Variants in RILPL1 observed in about 807,000 individuals in gnomAD.
RILPL1 encodes Rab interacting lysosomal protein like 1.
RILPL1 carries 33 observed loss-of-function variants against 50.3 expected under a neutral mutation model. The ratio of observed to expected loss-of-function variants is 0.66; its 90% CI spans 0.50 to 0.88. The LOEUF (loss-of-function observed/expected upper bound fraction) is 0.88. Ranked by LOEUF, RILPL1 falls within the 40% of genes least tolerant of loss-of-function variation. The probability of loss-of-function intolerance (pLI) is 0.00; values close to 1 mark genes in which losing one functional copy is unlikely to be tolerated. For missense variants in RILPL1, 418 were observed against 542.5 expected, an observed-to-expected ratio of 0.77 and a Z score of 2.28; for synonymous variants, 205 against 228.6, an observed-to-expected ratio of 0.90 and a Z score of 0.93.
At chr12:123,493,787 T>C (rs1389230767) in intron 4 of RILPL1, among the ~76,000 whole-genome samples, 1 of 147,342 alleles carries the variant, frequency 6.8e-6, no homozygotes, top group African/African-American at 2.5e-5. Context: ...CCTGCCTCTT[T>C]TTTTTTTTTT....
intron 2 of RILPL1, among the ~76,000 whole-genome samples, chr12:123,505,379 A>C (rs1883677280): frequency 6.6e-6 from 1 of 152,180 alleles, no homozygotes; most frequent in South Asian, 2.1e-4. Flanking sequence ...GCTAAAGTGC[A>C]GTAGCATGAT....
chr12:123,499,970 C>T (rs1288708293), intron 2 of RILPL1, among the ~76,000 whole-genome samples: 1 of 150,594 alleles, frequency 6.6e-6, no homozygotes, highest in East Asian at 2.0e-4. Context: ...CTCGCTCTGT[C>T]GCCCAGGCTG....
intron 2 of RILPL1, among the ~76,000 whole-genome samples, chr12:123,520,588 A>G (rs1418714280): frequency 6.6e-6 from 1 of 152,112 alleles, no homozygotes; most frequent in African/African-American, 2.4e-5. Flanking sequence ...ACAAACAAAC[A>G]AAAAAGTCCT....
At chr12:123,511,940 T>TTGTGTG (rs143408241) in intron 2 of RILPL1, among the ~76,000 whole-genome samples, 1 of 48,878 alleles carries the variant, frequency 2.0e-5, no homozygotes, top group African/African-American at 6.6e-5. Flanking sequence ...TGTGTGAGGT[T>TTGTGTG]TGTGTGTGTG....
At chr12:123,507,956 A>G (rs1883858590) in intron 2 of RILPL1, among the ~76,000 whole-genome samples, 1 of 147,438 alleles carries the variant, frequency 6.8e-6, no homozygotes, top group African/African-American at 2.5e-5. Flanking sequence ...AAAAAAAGAA[A>G]AAAAAAAAAA....
intron 6 of RILPL1, among the ~76,000 whole-genome samples, chr12:123,481,084 C>G (rs1011210868): frequency 6.6e-6 from 1 of 152,098 alleles, no homozygotes; most frequent in African/African-American, 2.4e-5. Context: ...TGGCCGGGCG[C>G]GGTGGCTCAC....
chr12:123,521,445 G>C (rs1884996280), intron 2 of RILPL1, among the ~76,000 whole-genome samples: 1 of 151,012 alleles, frequency 6.6e-6, no homozygotes, highest in Non-Finnish European at 1.5e-5. Flanking sequence ...AGAGAATCCA[G>C]ACCTGGATCA....
chr12:123,502,386 CTT>C lies in RILPL1; in HGVS notation c.461-2852_461-2851del, dbSNP rs1010468319. ...TGCAAAGCTGTCGTTTTTCCAGAGT[CTT>C]TTTTGTTATCGGGCATGCAAGCGTG... On this transcript the variant is annotated intron_variant, in intron 2 of 6. Coordinates refer to ENST00000376874, the MANE Select transcript of RILPL1 (RefSeq NM_178314.5). Among the ~76,000 whole-genome samples the C allele has an allele frequency of 1.5e-3, 229 of 152,330 alleles. 1 individual carries two copies. The highest frequency in any genetic ancestry group is 2.9e-3 in the Non-Finnish European group (198 of 68,030).
intron 2 of RILPL1, among the ~76,000 whole-genome samples, chr12:123,517,456 T>C (rs1389246971): frequency 6.6e-6 from 1 of 151,080 alleles, no homozygotes; most frequent in East Asian, 1.9e-4. Context: ...AGTCTCGCTG[T>C]GTTGCCCAGG....
At chr12:123,477,585 C>T (rs867291977) in intron 6 of RILPL1, among the ~76,000 whole-genome samples, 3 of 152,060 alleles carry the variant, frequency 2.0e-5, no homozygotes, top group East Asian at 1.9e-4. Flanking sequence ...GTGATCCACC[C>T]GCCTTGGCCT....
intron 3 of RILPL1, among the ~76,000 whole-genome samples, chr12:123,499,126 G>A (rs796702345): frequency 5.3e-5 from 8 of 152,320 alleles, no homozygotes; most frequent in African/African-American, 1.7e-4. Flanking sequence ...GGCATGAAGT[G>A]GTGGGGCTGG....
rs865909236 is a variant in RILPL1, at chr12:123,533,561, C to G, written c.-79G>C. 1 of 1,243,508 alleles carries G rather than the reference C, an allele frequency of 8.0e-7. No individual in the cohort carries two copies. The highest frequency in any genetic ancestry group is 1.0e-6 in the Non-Finnish European group (1 of 971,048). The allele number at this position is 1,243,508 out of a possible 1,614,324, so 77.0% of individuals were successfully genotyped here. ...TGCCGCTGTCGAGGGCCGGGCCGGC[C>G]GGGCCCAGCCTGGGCCGCGGGCGGG... On this transcript the variant is annotated 5_prime_UTR_variant, in exon 1 of 7. Transcript: ENST00000376874. This position sits in a 1 kb window ranked among gnomAD's most constrained non-coding sequence, Gnocchi z 6.2.
At chr12:123,490,715 GGC>G (rs1283292349) in intron 4 of RILPL1, among the ~76,000 whole-genome samples, 1 of 151,788 alleles carries the variant, frequency 6.6e-6, no homozygotes, top group Non-Finnish European at 1.5e-5. Flanking sequence ...TGGGATTACA[GGC>G]GTGAGCCATT....
intron 2 of RILPL1, among the ~76,000 whole-genome samples, chr12:123,510,853 GT>G (rs906250135): frequency 9.1e-5 from 13 of 142,474 alleles, no homozygotes; most frequent in Non-Finnish European, 1.8e-4. Flanking sequence ...CTGTGTGTGT[GT>G]GGTGTGTGAG....
chr12:123,494,021 G>T (rs1417946076), intron 4 of RILPL1, among the ~76,000 whole-genome samples: 1 of 151,982 alleles, frequency 6.6e-6, no homozygotes, highest in Non-Finnish European at 1.5e-5. Flanking sequence ...CTGACCTCAG[G>T]TGATCCACCC....
At chr12:123,517,260 C>T (rs1884755052) in intron 2 of RILPL1, among the ~76,000 whole-genome samples, 1 of 152,038 alleles carries the variant, frequency 6.6e-6, no homozygotes, top group Admixed American at 6.6e-5. Flanking sequence ...GGGAGCATGG[C>T]CTTGCTGATG....
intron 2 of RILPL1, among the ~76,000 whole-genome samples, chr12:123,506,014 C>T (rs1315321068): frequency 6.6e-6 from 1 of 152,232 alleles, no homozygotes; most frequent in African/African-American, 2.4e-5. Context: ...TGATTCTGCT[C>T]TCACTGGTTT....
At chr12:123,492,195 C>T (rs1330641353) in intron 4 of RILPL1, among the ~76,000 whole-genome samples, 5 of 147,206 alleles carry the variant, frequency 3.4e-5, no homozygotes, top group African/African-American at 7.6e-5. Context: ...CACTGCACCC[C>T]GGCCTGAGAC....
chr12:123,528,649 G>C (rs181691133), intron 1 of RILPL1, among the ~76,000 whole-genome samples: 2 of 152,018 alleles, frequency 1.3e-5, no homozygotes, highest in Middle Eastern at 3.4e-3. Context: ...GGATGGTCTC[G>C]ATCTCCTGAC....
Sources: gnomAD v4.1 joint callset for allele counts (sites outside exome capture counted in the v4.1 genomes callset) on GRCh38, gnomAD v4.1.1 for gene constraint, Gnocchi (gnomAD v3.1) non-coding constraint, MANE v1.5 for transcripts, NCBI Gene and HGNC (gene_info 2026-07-23, HGNC 2026-07-21) for gene names.